Variants in ARHGAP24 observed in about 807,000 individuals in gnomAD.
ARHGAP24 encodes Rho GTPase activating protein 24, also known as rho GTPase-activating protein 24.
ARHGAP24 carries 50 observed loss-of-function variants against 76.4 expected under a neutral mutation model. The ratio of observed to expected loss-of-function variants is 0.65; its 90% confidence interval spans 0.52 to 0.83. The LOEUF (loss-of-function observed/expected upper bound fraction) is 0.83, where lower values mean the gene tolerates loss of function less well. ARHGAP24 is among the 40% of genes least tolerant of loss of function. The pLI, the probability that ARHGAP24 is intolerant of heterozygous loss-of-function variation, is 0.00. For missense variants in ARHGAP24, 930 were observed against 914.2 expected (o/e 1.02, Z -0.22); for synonymous variants, 345 against 323.3 (o/e 1.07, Z -0.72).
At chr4:85,860,812 G>A (rs1672050791) in intron 3 of ARHGAP24, among the ~76,000 whole-genome samples, 1 of 151,990 alleles carries the variant, frequency 6.6e-6, no homozygotes, top group South Asian at 2.1e-4. Context: ...ATCATATTTT[G>A]TGAGCAGGTT....
intron 3 of ARHGAP24, among the ~76,000 whole-genome samples, chr4:85,752,641 G>T (rs1300350107): frequency 6.6e-6 from 1 of 152,148 alleles, no homozygotes; most frequent in Non-Finnish European, 1.5e-5. Context: ...AAAGAGACAG[G>T]CTTGGGTTTA....
chr4:85,542,798 A>G (rs916541839), intron 1 of ARHGAP24, among the ~76,000 whole-genome samples: 2 of 152,186 alleles, frequency 1.3e-5, no homozygotes, highest in African/African-American at 4.8e-5. Context: ...TTTGGAACCA[A>G]ACTGCTTGGC....
chr4:85,592,333 T>G (rs1728147568), intron 2 of ARHGAP24, among the ~76,000 whole-genome samples: 1 of 152,210 alleles, frequency 6.6e-6, no homozygotes, highest in African/African-American at 2.4e-5. Context: ...TCAGATTTTT[T>G]GCCCACATTT....
intron 4 of ARHGAP24, chr4:85,930,778 A>C: frequency 7.0e-7 from 1 of 1,424,736 alleles, no homozygotes; most frequent in African/African-American, 1.4e-5. Flanking sequence ...ACTTATCCCT[A>C]AGCCAGGACC....
chr4:85,580,225 G>A (rs1463717509), intron 2 of ARHGAP24, among the ~76,000 whole-genome samples: 2 of 151,974 alleles, frequency 1.3e-5, no homozygotes, highest in East Asian at 3.9e-4. Flanking sequence ...TGTCTTTGAA[G>A]TCTCTGTTAC....
At chr4:85,972,529 C>A (rs1303991732) in intron 6 of ARHGAP24, among the ~76,000 whole-genome samples, 3 of 152,124 alleles carry the variant, frequency 2.0e-5, no homozygotes, top group Non-Finnish European at 4.4e-5. Context: ...GGCTTCTATA[C>A]AAAATCCTAC....
chr4:85,520,623 T>C (rs1352188636), intron 1 of ARHGAP24, among the ~76,000 whole-genome samples: 1 of 152,156 alleles, frequency 6.6e-6, no homozygotes, highest in Non-Finnish European at 1.5e-5. Flanking sequence ...CAATAAGCCC[T>C]TGTATTTTCT....
At chr4:85,726,527 G>A (rs995523655) in intron 3 of ARHGAP24, among the ~76,000 whole-genome samples, 3 of 152,148 alleles carry the variant, frequency 2.0e-5, no homozygotes, top group African/African-American at 7.2e-5. Context: ...AGGGGCTGGG[G>A]CTTTGTTTCC....
intron 3 of ARHGAP24, among the ~76,000 whole-genome samples, chr4:85,778,260 G>T (rs1284041466): frequency 1.3e-5 from 2 of 152,190 alleles, no homozygotes; most frequent in African/African-American, 4.8e-5. Flanking sequence ...TAAAGGGAAA[G>T]TTTCAATATT....
chr4:85,934,915 A>T (rs954450386), intron 4 of ARHGAP24, among the ~76,000 whole-genome samples: 2 of 152,226 alleles, frequency 1.3e-5, no homozygotes, highest in African/African-American at 4.8e-5. Flanking sequence ...ACATGCACAT[A>T]TGCGTGCACA....
At chr4:85,554,453 A>T (rs914233314) in intron 1 of ARHGAP24, among the ~76,000 whole-genome samples, 11 of 152,084 alleles carry the variant, frequency 7.2e-5, no homozygotes, top group African/African-American at 2.7e-4. Context: ...TGAATTATAG[A>T]TTTGGTCTCT....
At chr4:85,574,193 T>C (rs554424904) in intron 2 of ARHGAP24, among the ~76,000 whole-genome samples, 10 of 152,348 alleles carry the variant, frequency 6.6e-5, no homozygotes, top group African/African-American at 2.4e-4. Context: ...TTTATTATAG[T>C]AAATTTTCAC....
chr4:85,684,914 A>G (rs987587625), intron 2 of ARHGAP24, among the ~76,000 whole-genome samples: 1 of 152,080 alleles, frequency 6.6e-6, no homozygotes, highest in African/African-American at 2.4e-5. Context: ...AAAGTGTCCT[A>G]CAGTAACACT....
chr4:85,906,995 A>T (rs558137471), intron 3 of ARHGAP24, among the ~76,000 whole-genome samples: 15 of 152,198 alleles, frequency 9.9e-5, no homozygotes, highest in Non-Finnish European at 1.9e-4. Context: ...ATGGAGACTG[A>T]CTATGGAAGG....
rs1170412348 is a variant in ARHGAP24 at position 85,972,069 on chromosome 4, T to C, written c.633T>C (p.Leu211=). The C allele has an allele frequency of 6.2e-7, 1 of 1,614,080 alleles. No homozygotes were observed. ...NTDVHTVASL[L]KLYLRELPEP... is the part of the protein sequence containing the mutation. Reference sequence around the variant, plus strand: ...ATGTACACACGGTGGCATCACTTCTTAAGCTGTACCTCCGAGAACTTCCAG... The same window carrying C: ...ATGTACACACGGTGGCATCACTTCTCAAGCTGTACCTCCGAGAACTTCCAG... Residue 211 remains leucine, a synonymous_variant, in exon 6 of 10, where the codon CTT becomes CTC. Coordinates refer to ENST00000395184, the MANE Select transcript of ARHGAP24 (RefSeq NM_001025616.3).
chr4:85,708,697 G>T (rs540851413), intron 2 of ARHGAP24, among the ~76,000 whole-genome samples: 9 of 152,238 alleles, frequency 5.9e-5, no homozygotes, highest in African/African-American at 1.9e-4. Flanking sequence ...GCACTCTGTT[G>T]GCATCCGCTT....
chr4:85,692,432 A>G (rs1455043775), intron 2 of ARHGAP24, among the ~76,000 whole-genome samples: 1 of 152,132 alleles, frequency 6.6e-6, no homozygotes, highest in Non-Finnish European at 1.5e-5. Flanking sequence ...CAAGTTGCTT[A>G]TTCTCTGTCC....
chr4:85,994,515 G>A lies in ARHGAP24; in HGVS notation c.929-68G>A, dbSNP rs1740525828. ...TTCTCTTGAATGTGTTTCTTTAAGA[G>A]TCACATTGAAATAGAAATAAATAAA... On this transcript the variant is annotated intron_variant, in intron 8 of 9. Transcript: ENST00000395184. 4.9e-6 allele frequency: 7 copies of A among 1,422,518 alleles called. No individual in the cohort carries two copies. The South Asian group carries it at 8.1e-5, about 16-fold the overall frequency. The allele number at this position is 1,422,518 out of a possible 1,614,324, so 88.1% of individuals were successfully genotyped here.
intron 5 of ARHGAP24, among the ~76,000 whole-genome samples, chr4:85,948,053 C>A (rs930086492): frequency 1.3e-5 from 2 of 152,124 alleles, no homozygotes; most frequent in Non-Finnish European, 2.9e-5. Flanking sequence ...TTCAAGACTG[C>A]AAATATACTT....
Sources: allele counts gnomAD v4.1 joint callset (sites outside exome capture counted in the v4.1 genomes callset), GRCh38; gene constraint gnomAD v4.1.1; transcripts MANE v1.5; gene names NCBI Gene and HGNC (gene_info 2026-07-23, HGNC 2026-07-21).